KCNIP1: variants seen among roughly 807,000 people sequenced by gnomAD.
KCNIP1 encodes the protein A-type potassium channel modulatory protein KCNIP1.
KCNIP1 carries 18 observed loss-of-function variants against 33.0 expected under a neutral mutation model. The observed-to-expected ratio is 0.55, with a 90% confidence interval of 0.38 to 0.81. The LOEUF (loss-of-function observed/expected upper bound fraction) is 0.81. Among genes scored for constraint, KCNIP1 ranks in the 30% least tolerant of loss-of-function variants. The probability of loss-of-function intolerance (pLI) is 0.00; values close to 1 mark genes in which losing one functional copy is unlikely to be tolerated. For missense variants in KCNIP1, 238 were observed against 271.6 expected (o/e 0.88, Z 0.87); for synonymous variants, 93 against 98.3 (o/e 0.95, Z 0.32).
intron 1 of KCNIP1, among the ~76,000 whole-genome samples, chr5:170,456,358 A>C (rs1028214290): frequency 5.9e-5 from 9 of 152,136 alleles, no homozygotes; most frequent in Non-Finnish European, 7.4e-5. Flanking sequence ...TACCTCATGC[A>C]TATGGGGTTT....
chr5:170,489,423 G>A lies in KCNIP1; in HGVS notation c.88+135459G>A, dbSNP rs535487643. Among the ~76,000 whole-genome samples the A allele has an allele frequency of 2.6e-5, 4 of 152,202 alleles. No homozygotes were observed. Among genetic ancestry groups the A allele is most frequent in the East Asian group, 3.9e-4 (2 of 5,152 alleles). On this transcript the variant is annotated intron_variant, in intron 1 of 7. Transcript: ENST00000377360. The surrounding 1 kb of genome is among the most constrained non-coding windows in gnomAD (Gnocchi z 4.3). ...TGCAGGAGGCCCCTGGGCAAGGGCC[G>A]GCCCTTCTCCTCTCCCTCAGTGTCC...
intron 1 of KCNIP1, among the ~76,000 whole-genome samples, chr5:170,579,877 G>A (rs1757729411): frequency 6.6e-6 from 1 of 152,062 alleles, no homozygotes; most frequent in South Asian, 2.1e-4. Flanking sequence ...CCTTGCCTGA[G>A]TGGGGGGTGG....
At chr5:170,612,858 CACCCCCTCCCAAG>C (rs1759222440) in intron 1 of KCNIP1, among the ~76,000 whole-genome samples, 1 of 152,140 alleles carries the variant, frequency 6.6e-6, no homozygotes, top group Non-Finnish European at 1.5e-5. Flanking sequence ...GTGGACTCCT[CACCCCCTCCCAAG>C]ACCCAGTCAA....
intron 1 of KCNIP1, among the ~76,000 whole-genome samples, chr5:170,423,196 C>T (rs1755535879): frequency 6.6e-6 from 1 of 152,150 alleles, no homozygotes; most frequent in South Asian, 2.1e-4. Flanking sequence ...AGCTAAGAGG[C>T]AAGTCCAAAT....
At chr5:170,398,062 T>A (rs1273132009) in intron 1 of KCNIP1, among the ~76,000 whole-genome samples, 5 of 152,198 alleles carry the variant, frequency 3.3e-5, no homozygotes. Context: ...AGATTGTAGA[T>A]GTTTCTTATC....
intron 1 of KCNIP1, among the ~76,000 whole-genome samples, chr5:170,619,989 G>T (rs919797826): frequency 2.6e-5 from 4 of 152,190 alleles, no homozygotes; most frequent in African/African-American, 9.7e-5. Flanking sequence ...GATGCCAAGA[G>T]CAAGGTTTGG....
chr5:170,730,178 T>G (rs183151521), intron 5 of KCNIP1, among the ~76,000 whole-genome samples: 153 of 152,250 alleles, frequency 1.0e-3, no homozygotes, highest in Non-Finnish European at 1.7e-3. Context: ...AAATATATGA[T>G]ACTCTAAAAT....
upstream of KCNIP1, chr5:170,503,953 T>A: frequency 8.6e-5 from 27 of 312,714 alleles, no homozygotes; most frequent in Non-Finnish European, 1.1e-4. Flanking sequence ...CGTGCAGCCC[T>A]CGCCCCCGCC....
At chr5:170,725,198 C>T (rs1380241725) in intron 5 of KCNIP1, among the ~76,000 whole-genome samples, 1 of 152,142 alleles carries the variant, frequency 6.6e-6, no homozygotes, top group African/African-American at 2.4e-5. Context: ...TAAAGGAAAC[C>T]AGTATATCAA....
At chr5:170,711,420 T>C (rs540000150) in intron 1 of KCNIP1, among the ~76,000 whole-genome samples, 3 of 152,330 alleles carry the variant, frequency 2.0e-5, no homozygotes, top group South Asian at 2.1e-4. Flanking sequence ...AACATATCTA[T>C]ATTAAAATGC....
chr5:170,731,980 C>G (rs949727907), intron 5 of KCNIP1, among the ~76,000 whole-genome samples: 1 of 151,576 alleles, frequency 6.6e-6, no homozygotes, highest in Non-Finnish European at 1.5e-5. Flanking sequence ...TGGGTTTGGT[C>G]ATTGTGCTCT....
chr5:170,427,394 A>C (rs781329336), intron 1 of KCNIP1, among the ~76,000 whole-genome samples: 3 of 152,188 alleles, frequency 2.0e-5, no homozygotes, highest in Non-Finnish European at 4.4e-5. Flanking sequence ...CATTATAGCT[A>C]CAACCATCTC....
chr5:170,536,975 A>G (rs549182517), intron 1 of KCNIP1, among the ~76,000 whole-genome samples: 1 of 152,258 alleles, frequency 6.6e-6, no homozygotes, highest in South Asian at 2.1e-4. Flanking sequence ...TGAAGGAGAG[A>G]TTATGCTCCA....
chr5:170,380,736 C>G (rs1764205873), intron 1 of KCNIP1, among the ~76,000 whole-genome samples: 1 of 152,236 alleles, frequency 6.6e-6, no homozygotes, highest in Non-Finnish European at 1.5e-5. Context: ...TGGCCTGAGT[C>G]TCTCCAATGC....
intron 1 of KCNIP1, among the ~76,000 whole-genome samples, chr5:170,417,650 A>G (rs1213521466): frequency 6.6e-6 from 1 of 152,100 alleles, no homozygotes; most frequent in Non-Finnish European, 1.5e-5. Context: ...TTTTGTGGGT[A>G]TACAGATAGT....
intron 1 of KCNIP1, among the ~76,000 whole-genome samples, chr5:170,382,234 C>T (rs1764272374): frequency 6.6e-6 from 1 of 152,184 alleles, no homozygotes; most frequent in Non-Finnish European, 1.5e-5. Flanking sequence ...CCATTGCCAA[C>T]AGCAATAATT....
At chr5:170,596,730 T>C (rs948069146) in intron 1 of KCNIP1, among the ~76,000 whole-genome samples, 2 of 152,158 alleles carry the variant, frequency 1.3e-5, no homozygotes, top group African/African-American at 2.4e-5. Flanking sequence ...GCTTAATCAG[T>C]GGGGTTCTGG....
At chr5:170,498,717 C>A (rs1198113652) in intron 1 of KCNIP1, among the ~76,000 whole-genome samples, 3 of 152,152 alleles carry the variant, frequency 2.0e-5, no homozygotes, top group East Asian at 1.9e-4. Context: ...ATGAATGATC[C>A]AATGAGCCCC....
intron 1 of KCNIP1, among the ~76,000 whole-genome samples, chr5:170,434,514 G>C (rs966432394): frequency 6.6e-6 from 1 of 152,180 alleles, no homozygotes; most frequent in African/African-American, 2.4e-5. Context: ...GAGCACTCAG[G>C]TTGGAGGTAG....
Sources: allele counts gnomAD v4.1 joint callset (sites outside exome capture counted in the v4.1 genomes callset), GRCh38; gene constraint gnomAD v4.1.1; non-coding constraint Gnocchi (gnomAD v3.1); transcripts MANE v1.5; gene names NCBI Gene and HGNC (gene_info 2026-07-23, HGNC 2026-07-21).